The following STARD9 variants were observed in gnomAD, a reference collection of about 807,000 sequenced individuals.
The protein encoded by STARD9 is StAR related lipid transfer domain containing 9.
A neutral mutation model predicts 399.8 loss-of-function variants in STARD9; 346 were observed. That is an observed-to-expected ratio of 0.87 (90% CI 0.79 to 0.95). The LOEUF (loss-of-function observed/expected upper bound fraction) is 0.95, where lower values mean the gene tolerates loss of function less well. Among genes scored for constraint, STARD9 ranks in the 40% least tolerant of loss-of-function variants. The pLI is 0.00. For missense variants in STARD9, 5,832 were observed against 5,667.5 expected (o/e 1.03, Z -0.93); for synonymous variants, 2,203 against 2,143.5 (o/e 1.03, Z -0.77).
chr15:42,702,405 T>C (rs1456905573), intron 26 of STARD9, among the ~76,000 whole-genome samples: 1 of 152,128 alleles, frequency 6.6e-6, no homozygotes, highest in African/African-American at 2.4e-5. Context: ...GGTTTCGCTA[T>C]GTTGGCCAGG....
Position 42,691,475 on chromosome 15 carries a change from A to T in STARD9, c.9897A>T (p.Ala3299=), listed in dbSNP as rs1168140746. ...GHLYTGREQP[A]PNHRGSLPVT... ...TCTACACTGGCAGAGAGCAGCCAGCACCCAACCACAGGGGCTCACTTCCTG... is the reference window on the plus strand; with the variant it reads ...TCTACACTGGCAGAGAGCAGCCAGCTCCCAACCACAGGGGCTCACTTCCTG... The change falls in exon 23 of 33, where the codon GCA becomes GCT. Residue 3299 remains alanine, a synonymous_variant. Coordinates refer to ENST00000290607, the MANE Select transcript of STARD9 (RefSeq NM_020759.3). The T allele has an allele frequency of 2.2e-5, 34 of 1,537,058 alleles. No homozygotes were observed. The highest frequency in any genetic ancestry group is 2.9e-5 in the Non-Finnish European group (33 of 1,146,902).
Position 42,686,363 on chromosome 15 carries a change from A to C in STARD9, c.4785A>C (p.Glu1595Asp). The C allele has an allele frequency of 5.2e-6, 8 of 1,537,494 alleles. No homozygotes were observed. Among genetic ancestry groups the C allele is most frequent in the Non-Finnish European group, 7.0e-6 (8 of 1,146,992 alleles). The part of the protein sequence containing the change: ...SYDETYSADL[E>D]SLSASRSTNA... ...ACGAAACTTATTCGGCAGACTTAGA[A>C]TCATTGTCTGCTTCTCGATCTACAA... Residue 1595 changes from glutamate (E) to aspartate (D), a missense_variant, in exon 23 of 33, where the codon GAA becomes GAC. Coordinates refer to ENST00000290607, the MANE Select transcript of STARD9 (RefSeq NM_020759.3).
chr15:42,693,848 C>G lies in STARD9; in HGVS notation c.12270C>G (p.Val4090=). 6.5e-7 allele frequency: 1 copy of G among 1,536,840 alleles called. No individual in the cohort carries two copies. The highest frequency in any genetic ancestry group is 1.2e-5 in the South Asian group (1 of 83,994). ...GGLQHLSPCP[V]SELTDTAGLR... is the part of the protein sequence containing the mutation. ...TCCAGCACCTCAGCCCCTGCCCTGT[C>G]TCTGAGTTGACTGATACTGCAGGGC... The change falls in exon 23 of 33, where the codon GTC becomes GTG. Residue 4090 remains valine (V), a synonymous_variant. Transcript: ENST00000290607.
At chr15:42,640,646 C>A (rs1190302756) in intron 7 of STARD9, among the ~76,000 whole-genome samples, 6 of 151,612 alleles carry the variant, frequency 4.0e-5, no homozygotes, top group Non-Finnish European at 8.8e-5. Flanking sequence ...ATAGTGAAAC[C>A]CTGTCTCTAC....
intron 1 of STARD9, chr15:42,581,450 C>T: frequency 1.3e-6 from 2 of 1,530,466 alleles, no homozygotes; most frequent in South Asian, 2.3e-5. Context: ...AGGCGCGGCT[C>T]TGGCTGGGCT....
In STARD9 at chr15:42,694,128, G is replaced by A. The variant is rs894341526; in HGVS notation, c.12550G>A (p.Asp4184Asn). 3 of 1,536,834 alleles carry A rather than the reference G, an allele frequency of 2.0e-6. No individual in the cohort carries two copies. The highest frequency in any genetic ancestry group is 3.9e-5 in the Admixed American group (2 of 50,924). The change falls in exon 23 of 33, where the codon GAC (aspartate) becomes AAC (asparagine). Residue 4184 changes from aspartate (D) to asparagine (N), a missense_variant. Transcript: ENST00000290607. ...QEQSPPQPPNDHSQDSEWSKR... is the reference protein window; with the variant it reads ...QEQSPPQPPNNHSQDSEWSKR... ...ACAGAGTCCCCCACAACCTCCTAATGACCACAGCCAGGATTCTGAGTGGTC... is the reference window on the plus strand; with the variant it reads ...ACAGAGTCCCCCACAACCTCCTAATAACCACAGCCAGGATTCTGAGTGGTC...
chr15:42,623,499 G>A (rs2059133563), intron 3 of STARD9, among the ~76,000 whole-genome samples: 2 of 152,270 alleles, frequency 1.3e-5, no homozygotes, highest in South Asian at 4.1e-4. Flanking sequence ...TGTCCTGTGT[G>A]GTGCTGGGTT....
At chr15:42,588,787 T>G (rs1274717104) in intron 3 of STARD9, among the ~76,000 whole-genome samples, 2 of 21,044 alleles carry the variant, frequency 9.5e-5, no homozygotes, top group South Asian at 4.2e-3. Flanking sequence ...TTTTTTTTTT[T>G]TTTTTTTTTT....
chr15:42,695,703 G>T (rs557130886), intron 25 of STARD9, 40 bp from the exon 26 acceptor site: 57 of 1,521,956 alleles, frequency 3.7e-5, no homozygotes, highest in Middle Eastern at 1.7e-4. Context: ...GAAAGTGAGG[G>T]TGCATCAGAA....
chr15:42,699,513 C>G (rs941641547), intron 26 of STARD9, among the ~76,000 whole-genome samples: 2 of 150,486 alleles, frequency 1.3e-5, no homozygotes, highest in African/African-American at 4.9e-5. Flanking sequence ...CCTGCCTCAG[C>G]CTCCTGAGTA....
intron 32 of STARD9, 40 bp downstream of exon 32, chr15:42,718,950 A>C: frequency 6.6e-7 from 1 of 1,520,090 alleles, no homozygotes; most frequent in Non-Finnish European, 8.8e-7. Context: ...GCACAGGCTG[A>C]CTTGGTCCCA....
chr15:42,658,288 GGTGTGTGTGTGTGTGTGT>G (rs56286330), intron 9 of STARD9, among the ~76,000 whole-genome samples: 6 of 145,854 alleles, frequency 4.1e-5, no homozygotes, highest in Admixed American at 3.5e-4. Context: ...GGGACTTACA[GGTGTGTGTGTGTGTGTGT>G]GTGTGTGTGT....
intron 3 of STARD9, among the ~76,000 whole-genome samples, chr15:42,625,647 ATTT>A (rs11399920): frequency 2.2e-5 from 3 of 138,592 alleles, no homozygotes; most frequent in Admixed American, 7.4e-5. Flanking sequence ...TCTTCTTCCT[ATTT>A]TTTTTTTTTT....
chr15:42,642,971 T>C (rs1361886223), intron 7 of STARD9, among the ~76,000 whole-genome samples: 1 of 152,074 alleles, frequency 6.6e-6, no homozygotes, highest in Non-Finnish European at 1.5e-5. Context: ...GCTAATTGTT[T>C]TTTATTTTTT....
rs2060637409 is a variant in STARD9, at chr15:42,689,406, G to A, written c.7828G>A (p.Glu2610Lys). 1 of 1,537,308 alleles carries A rather than the reference G, an allele frequency of 6.5e-7. No homozygotes were observed. Among genetic ancestry groups the A allele is most frequent in the Non-Finnish European group, 8.7e-7 (1 of 1,146,960 alleles). ...DQSSSDQTRNEGEAPGFHVAS... is the reference protein window; with the variant it reads ...DQSSSDQTRNKGEAPGFHVAS... The stretch of plus-strand genomic sequence containing the variant: ...GTCATCATCAGACCAGACCAGGAAT[G>A]AGGGTGAAGCACCGGGATTTCATGT... Residue 2610 changes from glutamate to lysine, a missense_variant, in exon 23 of 33, where the codon GAG (glutamate) becomes AAG (lysine). Glu to Lys is a moderately conservative substitution (Grantham distance 56, BLOSUM62 1). Around this residue, in one of 2 missense-constraint regions of STARD9, gnomAD observed 5,828 missense variants for 5,651.1 expected, o/e 1.03. Coordinates refer to ENST00000290607, the MANE Select transcript of STARD9 (RefSeq NM_020759.3).
chr15:42,699,392 C>CTTTTCTTTTTTTTTTTTTTTT (rs1359323091), intron 26 of STARD9, among the ~76,000 whole-genome samples: 5 of 113,278 alleles, frequency 4.4e-5, no homozygotes, highest in African/African-American at 2.0e-4. Context: ...TTTTTCTTTT[C>CTTTTCTTTTTTTTTTTTTTTT]TTTTTTTTTT....
chr15:42,610,914 A>G (rs1198155663), intron 3 of STARD9, among the ~76,000 whole-genome samples: 2 of 152,198 alleles, frequency 1.3e-5, no homozygotes, highest in East Asian at 3.8e-4. Flanking sequence ...TAACTTTGAT[A>G]TAGTATCAGT....
intron 2 of STARD9, among the ~76,000 whole-genome samples, chr15:42,583,673 T>C (rs1042495879): frequency 3.3e-5 from 5 of 152,214 alleles, no homozygotes; most frequent in Non-Finnish European, 7.3e-5. Flanking sequence ...GTAGATGTTT[T>C]GAAAGTAAAC....
At chr15:42,582,278 G>A (rs1360319045) in intron 1 of STARD9, among the ~76,000 whole-genome samples, 1 of 152,196 alleles carries the variant, frequency 6.6e-6, no homozygotes, top group Admixed American at 6.5e-5. Context: ...CAACTTTCAG[G>A]TTCTAGGCTA....
Sources: gnomAD v4.1 joint callset for allele counts (sites outside exome capture counted in the v4.1 genomes callset) on GRCh38, gnomAD v4.1.1 for gene constraint, gnomAD v4.1.1 regional missense constraint, MANE v1.5 for transcripts, NCBI Gene and HGNC (gene_info 2026-07-23, HGNC 2026-07-21) for gene names.